The following ARHGAP6 variants were observed in gnomAD, a reference collection of about 807,000 sequenced individuals.
ARHGAP6 encodes the protein rho GTPase-activating protein 6.
ARHGAP6 carries 16 observed loss-of-function variants against 55.7 expected under a neutral mutation model. The observed-to-expected ratio is 0.29, with a 90% CI of 0.19 to 0.44. The LOEUF (loss-of-function observed/expected upper bound fraction) is 0.44. ARHGAP6 is among the 20% of genes least tolerant of loss of function. The pLI is 1.00. For missense variants in ARHGAP6, 698 were observed against 808.9 expected, an observed-to-expected ratio of 0.86 and a Z score of 1.66; for synonymous variants, 382 against 360.9, an observed-to-expected ratio of 1.06 and a Z score of -0.66.
At position 11,242,266 on chromosome X, in the gene ARHGAP6, A is replaced by G. The variant is rs2047293426; in HGVS notation, c.748+12282T>C. ...TGTTCCGTCAAAACATGAGGTAGGGAAGCTGATCTCATGGTTTAGATGCCA... is the reference window on the plus strand; with the variant it reads ...TGTTCCGTCAAAACATGAGGTAGGGGAGCTGATCTCATGGTTTAGATGCCA... On this transcript the variant is annotated intron_variant, in intron 2 of 12. Coordinates refer to ENST00000337414, the MANE Select transcript of ARHGAP6 (RefSeq NM_013427.3). 2.7e-5 allele frequency among the ~76,000 whole-genome samples: 3 copies of G among 112,119 alleles called. No individual in the cohort carries two copies. The Admixed American group carries it at 2.8e-4, about 11-fold the overall frequency.
At chrX:11,186,569 T>C in intron 4 of ARHGAP6, 138 bp from the exon 5 acceptor site, 1 of 401,460 alleles carries the variant, frequency 2.5e-6, no homozygotes, top group Non-Finnish European at 4.1e-6. Flanking sequence ...TCTTTAATTG[T>C]TCTGTTTGTA....
chrX:11,196,724 C>G (rs72558040), intron 3 of ARHGAP6, among the ~76,000 whole-genome samples: 1 of 111,763 alleles, frequency 8.9e-6, no homozygotes, highest in Non-Finnish European at 1.9e-5. Flanking sequence ...CTCCTCAAAC[C>G]AGCTGAATTC....
chrX:11,374,910 T>G (rs2049183988), intron 1 of ARHGAP6, among the ~76,000 whole-genome samples: 2 of 111,754 alleles, frequency 1.8e-5, no homozygotes, highest in Middle Eastern at 4.7e-3. Context: ...CCTCCATCAT[T>G]CTATCCCCTT....
intron 1 of ARHGAP6, chrX:11,294,857 C>T (rs1441776000): frequency 1.7e-6 from 2 of 1,207,753 alleles, no homozygotes; most frequent in African/African-American, 1.8e-5. Flanking sequence ...GTAAAACACC[C>T]CTTGCATAAG....
intron 2 of ARHGAP6, among the ~76,000 whole-genome samples, chrX:11,243,402 G>A (rs1315985268): frequency 8.9e-6 from 1 of 111,789 alleles, no homozygotes; most frequent in Non-Finnish European, 1.9e-5. Flanking sequence ...GCACTGGCAG[G>A]TGTTGCAATT....
chrX:11,303,940 T>A (rs1456761661), intron 1 of ARHGAP6, among the ~76,000 whole-genome samples: 5 of 112,186 alleles, frequency 4.5e-5, no homozygotes, highest in Non-Finnish European at 9.4e-5. Flanking sequence ...GCTCAATAAA[T>A]GTTAGCTACA....
intron 1 of ARHGAP6, among the ~76,000 whole-genome samples, chrX:11,456,710 C>G (rs1403664908): frequency 1.8e-5 from 2 of 111,944 alleles, no homozygotes; most frequent in Non-Finnish European, 3.8e-5. Flanking sequence ...ACCTCCATTA[C>G]AAAAGACAAT....
At chrX:11,180,779 T>C (rs1390823279) in intron 6 of ARHGAP6, among the ~76,000 whole-genome samples, 1 of 112,316 alleles carries the variant, frequency 8.9e-6, no homozygotes, top group Non-Finnish European at 1.9e-5. Context: ...GAACTACTCA[T>C]TGATTCCAGA....
intron 1 of ARHGAP6, among the ~76,000 whole-genome samples, chrX:11,622,998 C>G (rs1022147999): frequency 9.0e-6 from 1 of 111,329 alleles, no homozygotes; most frequent in Non-Finnish European, 1.9e-5. Context: ...AAGATGAGAT[C>G]TGGAAAAAGA....
At chrX:11,269,953 T>C (rs2047672922) in intron 1 of ARHGAP6, among the ~76,000 whole-genome samples, 1 of 112,002 alleles carries the variant, frequency 8.9e-6, no homozygotes, top group African/African-American at 3.2e-5. Flanking sequence ...ATCTAGTAAC[T>C]GGAAAGCTAT....
At chrX:11,312,524 A>G (rs745694435) in intron 1 of ARHGAP6, among the ~76,000 whole-genome samples, 23 of 111,144 alleles carry the variant, frequency 2.1e-4, no homozygotes, top group Non-Finnish European at 4.0e-4. Flanking sequence ...CTGGTGTCTC[A>G]GGGTCATCTC....
At chrX:11,639,204 T>C (rs894955645) in intron 1 of ARHGAP6, among the ~76,000 whole-genome samples, 9 of 109,852 alleles carry the variant, frequency 8.2e-5, no homozygotes, top group Non-Finnish European at 1.5e-4. Flanking sequence ...TAAATTATTT[T>C]ACAATTATGC....
chrX:11,437,681 T>C (rs765051443), intron 1 of ARHGAP6, among the ~76,000 whole-genome samples: 72 of 112,074 alleles, frequency 6.4e-4, no homozygotes, highest in Non-Finnish European at 1.1e-3. Flanking sequence ...GCCAAAGAAT[T>C]TGGACTTTAA....
intron 1 of ARHGAP6, among the ~76,000 whole-genome samples, chrX:11,617,166 T>C (rs982483667): frequency 8.9e-6 from 1 of 112,184 alleles, no homozygotes; most frequent in African/African-American, 3.2e-5. Flanking sequence ...CAATAGCTCA[T>C]TGATATTTTT....
intron 2 of ARHGAP6, chrX:11,225,651 T>A: frequency 3.7e-6 from 2 of 535,534 alleles, no homozygotes; most frequent in Non-Finnish European, 5.9e-6. Flanking sequence ...TAATCACTTT[T>A]TAGTTTTGTG....
chrX:11,351,348 A>T (rs2048861322), intron 1 of ARHGAP6: 7 of 962,163 alleles, frequency 7.3e-6, no homozygotes, highest in Non-Finnish European at 6.7e-6. Context: ...TTCATATCAT[A>T]TAACTAAATA....
intron 1 of ARHGAP6, among the ~76,000 whole-genome samples, chrX:11,315,580 C>T (rs1044410946): frequency 8.9e-6 from 1 of 111,769 alleles, no homozygotes; most frequent in Non-Finnish European, 1.9e-5. Flanking sequence ...CTGGCTTGCT[C>T]AAAAGACGAA....
intron 2 of ARHGAP6, among the ~76,000 whole-genome samples, chrX:11,216,878 C>A (rs1356220720): frequency 8.2e-5 from 9 of 110,140 alleles, no homozygotes; most frequent in Admixed American, 1.9e-4. Context: ...CCCTCCACCC[C>A]CGACAGGCCC....
chrX:11,170,061 A>G (rs775388222), intron 8 of ARHGAP6, among the ~76,000 whole-genome samples: 16 of 111,626 alleles, frequency 1.4e-4, no homozygotes, highest in Non-Finnish European at 3.0e-4. Flanking sequence ...CCACTGATCC[A>G]TCCACTCAGC....
Sources: allele counts gnomAD v4.1 joint callset (sites outside exome capture counted in the v4.1 genomes callset), GRCh38; gene constraint gnomAD v4.1.1; transcripts MANE v1.5; gene names NCBI Gene and HGNC (gene_info 2026-07-23, HGNC 2026-07-21).